Variants in CREB5 observed in about 807,000 individuals in gnomAD.
CREB5 encodes cyclic AMP-responsive element-binding protein 5.
In CREB5, 19 loss-of-function variants were observed where a neutral mutation model predicts 57.1. That is an observed-to-expected ratio of 0.33 (90% confidence interval 0.23 to 0.49). The LOEUF is 0.49. Ranked by LOEUF, CREB5 falls within the 20% of genes least tolerant of loss-of-function variation. The pLI, the probability that CREB5 is intolerant of heterozygous loss-of-function variation, is 0.99. For synonymous variants in CREB5, 238 were observed against 238.3 expected, an observed-to-expected ratio of 1.00 and a Z score of 0.01; for missense variants, 579 against 671.6, an observed-to-expected ratio of 0.86 and a Z score of 1.52.
chr7:28,654,425 C>T (rs1799257390), intron 5 of CREB5, among the ~76,000 whole-genome samples: 1 of 152,172 alleles, frequency 6.6e-6, no homozygotes, highest in Admixed American at 6.6e-5. Flanking sequence ...TAAATCAATA[C>T]ATAATGATGT....
At chr7:28,784,976 C>T (rs373634986) in intron 7 of CREB5, among the ~76,000 whole-genome samples, 6 of 152,126 alleles carry the variant, frequency 3.9e-5, no homozygotes, top group Admixed American at 6.6e-5. Context: ...TTTCAAGTCA[C>T]GATTGTTAAA....
chr7:28,682,690 G>C (rs879808426), intron 5 of CREB5, among the ~76,000 whole-genome samples: 4 of 148,710 alleles, frequency 2.7e-5, no homozygotes, highest in South Asian at 2.1e-4. Context: ...AGTGGGGGGG[G>C]GGGGAAACCC....
intron 7 of CREB5, among the ~76,000 whole-genome samples, chr7:28,769,665 C>T (rs1460094472): frequency 1.3e-5 from 2 of 152,182 alleles, no homozygotes; most frequent in Non-Finnish European, 2.9e-5. Flanking sequence ...AGAGAATCAT[C>T]AGGGAAGTCT....
intron 2 of CREB5, among the ~76,000 whole-genome samples, chr7:28,490,073 G>A (rs1314780127): frequency 1.3e-5 from 2 of 152,190 alleles, no homozygotes; most frequent in Non-Finnish European, 2.9e-5. Flanking sequence ...TTGCTTTGGT[G>A]GTGAAAATGT....
At chr7:28,334,796 G>T (rs1785789159) in intron 1 of CREB5, among the ~76,000 whole-genome samples, 1 of 152,146 alleles carries the variant, frequency 6.6e-6, no homozygotes, top group Admixed American at 6.6e-5. Context: ...ATGTCCTGGA[G>T]AGTTTCCATG....
At chr7:28,309,107 T>G (rs1043603340) in intron 1 of CREB5, among the ~76,000 whole-genome samples, 40 of 152,314 alleles carry the variant, frequency 2.6e-4, no homozygotes, top group Admixed American at 2.2e-3. Context: ...GCCTTATGGC[T>G]GGAACTGTAG....
At chr7:28,813,611 T>C (rs1272992922) in intron 9 of CREB5, among the ~76,000 whole-genome samples, 1 of 152,202 alleles carries the variant, frequency 6.6e-6, no homozygotes, top group Non-Finnish European at 1.5e-5. Context: ...GATAATTATT[T>C]TTTTGGCACA....
chr7:28,629,472 A>T (rs186620575), intron 5 of CREB5, among the ~76,000 whole-genome samples: 1 of 152,346 alleles, frequency 6.6e-6, no homozygotes, highest in Non-Finnish European at 1.5e-5. Context: ...GCCAACAGAC[A>T]ACTCTGTATT....
At chr7:28,401,173 A>G (rs1184832647) in intron 1 of CREB5, among the ~76,000 whole-genome samples, 2 of 152,216 alleles carry the variant, frequency 1.3e-5, no homozygotes, top group Non-Finnish European at 2.9e-5. Flanking sequence ...ACACATTAAG[A>G]TAAGAGCAAC....
intron 1 of CREB5, among the ~76,000 whole-genome samples, chr7:28,448,367 T>C (rs1174797141): frequency 6.6e-6 from 1 of 152,160 alleles, no homozygotes; most frequent in Non-Finnish European, 1.5e-5. Flanking sequence ...ACTAACACAG[T>C]GTATGTATGG....
chr7:28,699,523 T>C (rs1234282826), intron 5 of CREB5, among the ~76,000 whole-genome samples: 5 of 152,140 alleles, frequency 3.3e-5, no homozygotes, highest in African/African-American at 9.7e-5. Context: ...AAATGTCACA[T>C]TAAACTCAGA....
At chr7:28,648,694 A>T (rs1218229801) in intron 5 of CREB5, among the ~76,000 whole-genome samples, 1 of 152,142 alleles carries the variant, frequency 6.6e-6, no homozygotes, top group African/African-American at 2.4e-5. Flanking sequence ...GTGAGCTATG[A>T]TCATGCTACT....
chr7:28,365,112 G>A (rs540248791), intron 1 of CREB5, among the ~76,000 whole-genome samples: 3 of 152,170 alleles, frequency 2.0e-5, no homozygotes, highest in Non-Finnish European at 2.9e-5. Flanking sequence ...ACCAAACCAC[G>A]AATTGCATCT....
chr7:28,460,880 G>C (rs1472081544), intron 1 of CREB5, among the ~76,000 whole-genome samples: 1 of 152,054 alleles, frequency 6.6e-6, no homozygotes, highest in Non-Finnish European at 1.5e-5. Context: ...GGAAGGGCTG[G>C]AAGAAAGTGT....
intron 4 of CREB5, among the ~76,000 whole-genome samples, chr7:28,512,577 T>C (rs971140086): frequency 7.1e-6 from 1 of 140,756 alleles, no homozygotes; most frequent in Non-Finnish European, 1.6e-5. Flanking sequence ...TCCTTTTATG[T>C]TTAATGACTT....
intron 4 of CREB5, among the ~76,000 whole-genome samples, chr7:28,525,592 T>G (rs1793413269): frequency 6.6e-6 from 1 of 152,106 alleles, no homozygotes; most frequent in African/African-American, 2.4e-5. Context: ...TGGTGAGCAT[T>G]TTGAAAAAAA....
At chr7:28,703,161 G>T (rs1271882004) in intron 5 of CREB5, among the ~76,000 whole-genome samples, 1 of 152,310 alleles carries the variant, frequency 6.6e-6, no homozygotes, top group East Asian at 1.9e-4. Flanking sequence ...ACAGAGTTTG[G>T]ATAGAAGAAG....
chr7:28,578,760 G>C (rs12533805), intron 5 of CREB5, among the ~76,000 whole-genome samples: 20,127 of 152,186 alleles, frequency 0.13, 1,901 homozygotes, highest in East Asian at 0.35. Flanking sequence ...AGATTCAAAA[G>C]ATAGCTCATT....
At chr7:28,339,707 G>A (rs1036373813) in intron 1 of CREB5, among the ~76,000 whole-genome samples, 1 of 152,190 alleles carries the variant, frequency 6.6e-6, no homozygotes, top group Non-Finnish European at 1.5e-5. Flanking sequence ...ACAGGCTTGT[G>A]TACTTCCCTT....
Sources: allele counts gnomAD v4.1 joint callset (sites outside exome capture counted in the v4.1 genomes callset), GRCh38; gene constraint gnomAD v4.1.1; transcripts MANE v1.5; gene names NCBI Gene and HGNC (gene_info 2026-07-23, HGNC 2026-07-21).